RP1: variants seen among roughly 807,000 people sequenced by gnomAD.
RP1 encodes RP1 axonemal microtubule associated, also known as oxygen-regulated protein 1.
RP1 carries 16 observed loss-of-function variants against 14.8 expected under a neutral mutation model. The ratio of observed to expected loss-of-function variants is 1.08; its 90% CI spans 0.73 to 1.65. RP1 has a LOEUF of 1.65. RP1 is among the 40% of genes most tolerant of loss of function. The probability of loss-of-function intolerance (pLI) is 0.00; values close to 1 mark genes in which losing one functional copy is unlikely to be tolerated. For synonymous variants in RP1, 876 were observed against 883.6 expected, an observed-to-expected ratio of 0.99 and a Z score of 0.15; for missense variants, 2,631 against 2,535.0, an observed-to-expected ratio of 1.04 and a Z score of -0.81.
At chr8:54,697,141 C>G in intron 12 of RP1, 7 of 1,052,506 alleles carry the variant, frequency 6.7e-6, no homozygotes, top group South Asian at 2.6e-5. Flanking sequence ...AGGTGCCGAA[C>G]AGCACTACAT....
rs572343598 is a variant in RP1, at chr8:54,704,715, T to C, written c.1999-1728T>C. On this transcript the variant is annotated intron_variant, in intron 14 of 22. Coordinates refer to the RP1 transcript ENST00000636932. Reference sequence around the variant, plus strand: ...AGGTATGTGTGTACTTACAGTATAATAAACACTTTCTCACATTACTATTTC... The same window carrying C: ...AGGTATGTGTGTACTTACAGTATAACAAACACTTTCTCACATTACTATTTC... Among the ~76,000 whole-genome samples the C allele has an allele frequency of 5.1e-4, 78 of 152,316 alleles. No homozygotes were observed. The South Asian group carries it at 0.013, about 26-fold the overall frequency.
At chr8:54,789,278 A>G (rs1810404180) in intron 24 of RP1, among the ~76,000 whole-genome samples, 1 of 152,302 alleles carries the variant, frequency 6.6e-6, no homozygotes, top group African/African-American at 2.4e-5. Flanking sequence ...GTCTGGCTAG[A>G]GAATACAGTC....
At chr8:54,606,181 C>T (rs1316785130) in intron 1 of RP1, among the ~76,000 whole-genome samples, 4 of 152,062 alleles carry the variant, frequency 2.6e-5, no homozygotes, top group East Asian at 1.9e-4. Context: ...TGGCTGGTAC[C>T]GGTTGTTCCT....
intron 22 of RP1, among the ~76,000 whole-genome samples, chr8:54,768,780 G>A (rs1439710601): frequency 6.6e-6 from 1 of 152,138 alleles, no homozygotes; most frequent in Non-Finnish European, 1.5e-5. Flanking sequence ...TCAAAAGGGA[G>A]CTTCTAACAC....
At chr8:54,673,910 C>G (rs1451524725) in exon 8 of RP1, 1 of 1,535,620 alleles carries the variant, frequency 6.5e-7, no homozygotes, top group Non-Finnish European at 8.7e-7. Flanking sequence ...TGTGATAGGC[C>G]ATGATGGACT....
rs149272482 is a variant in RP1 at position 54,847,122 on chromosome 8, C to T, written c.3836-5452C>T. 2.1e-4 allele frequency among the ~76,000 whole-genome samples: 32 copies of T among 151,782 alleles called. No individual in the cohort carries two copies. In the East Asian group the frequency reaches 3.7e-3, roughly 17 times the overall value. On this transcript the variant is annotated intron_variant, in intron 25 of 28. Coordinates refer to the RP1 transcript ENST00000637698. ...TGCATCTCTCAGGTCAAGTCAGAGA[C>T]GCCAGGGAGGGAGGGAAGGAGACAG...
At chr8:54,791,749 T>A (rs928927900) in intron 24 of RP1, among the ~76,000 whole-genome samples, 9 of 151,760 alleles carry the variant, frequency 5.9e-5, no homozygotes, top group African/African-American at 2.2e-4. Context: ...GATCAAAGAA[T>A]ACCAACACAA....
chr8:54,831,401 C>T (rs375568758), intron 24 of RP1, among the ~76,000 whole-genome samples: 148 of 102,612 alleles, frequency 1.4e-3, no homozygotes, highest in Middle Eastern at 6.5e-3. Context: ...CCTATTGTTT[C>T]TTTTTTTTTT....
In RP1 at chr8:54,826,982, A is replaced by C. The variant is rs565614192; in HGVS notation, c.3616-10468A>C. 1.5e-4 allele frequency among the ~76,000 whole-genome samples: 23 copies of C among 152,382 alleles called. 1 individual carries two copies. The South Asian group carries it at 4.3e-3, about 29-fold the overall frequency. On this transcript the variant is annotated intron_variant, in intron 24 of 28. Coordinates refer to the RP1 transcript ENST00000637698. Reference sequence around the variant, plus strand: ...TACTGTAGTCACTTGTAACACAATGATAATGACTTACGTATCTAAACAGAG... The same window carrying C: ...TACTGTAGTCACTTGTAACACAATGCTAATGACTTACGTATCTAAACAGAG...
At chr8:54,663,593 G>A (rs1220001720) in intron 6 of RP1, 2 of 1,126,656 alleles carry the variant, frequency 1.8e-6, no homozygotes, top group Non-Finnish European at 2.3e-6. Context: ...GCATCCACTG[G>A]GGATCTTGGA....
intron 12 of RP1, chr8:54,696,571 CT>C: frequency 1.4e-6 from 1 of 730,026 alleles, no homozygotes. Flanking sequence ...TCCTACATGA[CT>C]CCTGGCAGCA....
intron 22 of RP1, among the ~76,000 whole-genome samples, chr8:54,763,889 T>G (rs1809701895): frequency 1.3e-5 from 2 of 152,236 alleles, no homozygotes; most frequent in South Asian, 4.1e-4. Flanking sequence ...CCGTCTCATT[T>G]CTATTCAGGA....
At chr8:54,573,917 G>C (rs538320760) in intron 1 of RP1, among the ~76,000 whole-genome samples, 1 of 152,300 alleles carries the variant, frequency 6.6e-6, no homozygotes, top group Non-Finnish European at 1.5e-5. Flanking sequence ...GAATCAAGAG[G>C]GGAGCAGGGC....
chr8:54,605,807 C>T (rs958537920), intron 1 of RP1, among the ~76,000 whole-genome samples: 1 of 152,128 alleles, frequency 6.6e-6, no homozygotes, highest in Admixed American at 6.5e-5. Context: ...CCTTCTTTGT[C>T]TCTTTTGATC....
rs1180675709 is a variant in RP1 at position 54,698,890 on chromosome 8, G to A, written c.1718-577G>A. ...ACATCACACATCAAGGCCTATCGGGGGTTGGGGTCCTGGGGGAGGGATAGC... is the reference window on the plus strand; with the variant it reads ...ACATCACACATCAAGGCCTATCGGGAGTTGGGGTCCTGGGGGAGGGATAGC... On this transcript the variant is annotated intron_variant, in intron 12 of 22. Transcript: ENST00000636932. Among the ~76,000 whole-genome samples the A allele has an allele frequency of 2.0e-5, 3 of 152,150 alleles. No individual in the cohort carries two copies. In the East Asian group the frequency reaches 5.8e-4, roughly 29 times the overall value.
chr8:54,826,864 G>A (rs1271256069), intron 24 of RP1, among the ~76,000 whole-genome samples: 1 of 152,200 alleles, frequency 6.6e-6, no homozygotes, highest in Non-Finnish European at 1.5e-5. Flanking sequence ...ATCATAGAGT[G>A]CACTTGCACA....
At chr8:54,624,587 C>G in intron 3 of RP1, 83 bp from the exon 4 acceptor site, 1 of 1,377,054 alleles carries the variant, frequency 7.3e-7, no homozygotes, top group Non-Finnish European at 1.0e-6. Flanking sequence ...TTTTTGCTGC[C>G]TCTTCCTTTG....
intron 1 of RP1, among the ~76,000 whole-genome samples, chr8:54,592,544 C>T (rs1325153424): frequency 6.6e-6 from 1 of 152,184 alleles, no homozygotes; most frequent in African/African-American, 2.4e-5. Context: ...CTTGAAGATT[C>T]TGTGAGCCAC....
At chr8:54,669,753 C>A (rs1422255021) in intron 7 of RP1, among the ~76,000 whole-genome samples, 1 of 152,042 alleles carries the variant, frequency 6.6e-6, no homozygotes, top group Non-Finnish European at 1.5e-5. Context: ...TGGAAACCAT[C>A]ATTCTGAGCA....
Sources: allele counts gnomAD v4.1 joint callset (sites outside exome capture counted in the v4.1 genomes callset), GRCh38; gene constraint gnomAD v4.1.1; transcripts MANE v1.5; gene names NCBI Gene and HGNC (gene_info 2026-07-23, HGNC 2026-07-21).